Variants in SPTBN5 observed in about 807,000 individuals in gnomAD.
SPTBN5 encodes the protein spectrin beta, non-erythrocytic 5.
Under a neutral mutation model 477.6 loss-of-function variants are expected in SPTBN5, and 513 were observed. The ratio of observed to expected loss-of-function variants is 1.07; its 90% CI spans 1.00 to 1.16. The LOEUF (loss-of-function observed/expected upper bound fraction) is 1.16, where lower values mean the gene tolerates loss of function less well. Ranked by LOEUF, SPTBN5 falls within the 50% of genes most tolerant of loss-of-function variation. The probability of loss-of-function intolerance (pLI) is 0.00; values close to 1 mark genes in which losing one functional copy is unlikely to be tolerated. For missense variants in SPTBN5, 5,062 were observed against 4,731.8 expected (o/e 1.07, Z -2.05); for synonymous variants, 2,169 against 2,011.7 (o/e 1.08, Z -2.09).
rs759068109 is a variant in SPTBN5, at chr15:41,856,515, G to T, written c.8892C>A (p.His2964Gln). ...GTGYKLVQAGHFAAHEVAARV... is the reference protein window; with the variant it reads ...GTGYKLVQAGQFAAHEVAARV... Reference sequence around the variant, plus strand: ...GGGCGGCCACCTCGTGGGCGGCAAAGTGCCCAGCCTGCACCAGCTTGTACC... The same window carrying T: ...GGGCGGCCACCTCGTGGGCGGCAAATTGCCCAGCCTGCACCAGCTTGTACC... The change falls in exon 53 of 68, where the codon CAC (histidine) becomes CAA (glutamine). Residue 2964 changes from histidine (H) to glutamine (Q), a missense_variant. Coordinates refer to ENST00000320955, the MANE Select transcript of SPTBN5 (RefSeq NM_016642.4). 3 of 1,601,114 alleles carry T rather than the reference G, an allele frequency of 1.9e-6. No individual in the cohort carries two copies. The highest frequency in any genetic ancestry group is 3.4e-5 in the Admixed American group (2 of 58,822).
rs778967010 is a variant in SPTBN5 at position 41,861,826 on chromosome 15, T to A, written c.7646A>T (p.Gln2549Leu). 10 of 1,602,300 alleles carry A rather than the reference T, an allele frequency of 6.2e-6. No individual in the cohort carries two copies. The highest frequency in any genetic ancestry group is 8.5e-6 in the Non-Finnish European group (10 of 1,177,550). Residue 2549 changes from glutamine (Q) to leucine (L), a missense_variant, in exon 45 of 68, where the codon CAG becomes CTG. Transcript: ENST00000320955. ...CTCCTGTTCTAAGCCAGCCAGCACCTGGCGAATGTCGGAGCTGAAGGGGTG... is the reference window on the plus strand; with the variant it reads ...CTCCTGTTCTAAGCCAGCCAGCACCAGGCGAATGTCGGAGCTGAAGGGGTG... ...AGHPFSSDIR[Q>L]VLAGLEQELS... is the part of the protein sequence containing the mutation.
chr15:41,882,060 G>C lies in SPTBN5; in HGVS notation c.2333C>G (p.Ala778Gly), dbSNP rs892621804. ...GCGCCTCAGCAGGGTCTCGGCGGCC[G>C]CCTGGTCCTGACCGCAGGACGCTCT... Reference protein sequence around the residue: ...LERASCGQDQAAAETLLRRHV... With the variant: ...LERASCGQDQGAAETLLRRHV... The change falls in exon 12 of 68, where the codon GCG becomes GGG. Residue 778 changes from alanine to glycine, a missense_variant. Transcript: ENST00000320955. 1 of 1,563,032 alleles carries C rather than the reference G, an allele frequency of 6.4e-7. No homozygotes were observed. The highest frequency in any genetic ancestry group is 1.4e-5 in the African/African-American group (1 of 71,702).
At chr15:41,872,527 A>C (rs1595482167) in intron 26 of SPTBN5, 68 bp from the exon 27 acceptor site, 3 of 1,481,486 alleles carry the variant, frequency 2.0e-6, no homozygotes, top group South Asian at 1.3e-5. Context: ...TCCGTCCCCC[A>C]CCCATCCAGT....
At position 41,877,340 on chromosome 15, in the gene SPTBN5, C is replaced by T. The variant is rs780844153; in HGVS notation, c.3487G>A (p.Ala1163Thr). Residue 1163 changes from alanine (A) to threonine (T), a missense_variant, in exon 18 of 68, where the codon GCT becomes ACT. Ala to Thr is a moderately conservative substitution (Grantham distance 58). Transcript: ENST00000320955. ...LWQERLQQLD[A>T]QSQPMAALDC... The stretch of plus-strand genomic sequence containing the variant: ...AAGGCTGCCATGGGCTGGCTCTGAG[C>T]GTCCAGCTGCTGCAGCCTGACCAGG... The T allele has an allele frequency of 6.2e-6, 10 of 1,607,892 alleles. No individual in the cohort carries two copies. The highest frequency in any genetic ancestry group is 1.6e-4 in the Middle Eastern group (1 of 6,072).
rs748566841 is a variant in SPTBN5, at chr15:41,866,559, AG to A, written c.6481-67del. 302 of 1,437,656 alleles carry A rather than the reference AG, an allele frequency of 2.1e-4. 1 individual carries two copies. Among genetic ancestry groups the A allele is most frequent in the Non-Finnish European group, 6.0e-5 (66 of 1,102,766 alleles). 89.1% of individuals were successfully genotyped at this position (1,437,656 alleles called of 1,614,324 possible). A position where few individuals can be genotyped will look rare whatever the true frequency, so the allele number is the denominator to read the frequency against. ...CTCAGGCCCCAGACGCCACAGGCCT[AG>A]CCCCCAGCCATTCCCAGGAGGCTGG... On this transcript the variant is annotated intron_variant, in intron 36 of 67. Coordinates refer to ENST00000320955, the MANE Select transcript of SPTBN5 (RefSeq NM_016642.4).
intron 4 of SPTBN5, among the ~76,000 whole-genome samples, chr15:41,889,205 C>T (rs2067241441): frequency 6.6e-6 from 1 of 152,196 alleles, no homozygotes; most frequent in Admixed American, 6.5e-5. Context: ...GTCCCTTCAG[C>T]CTTCAAATAG....
chr15:41,864,015 C>G lies in SPTBN5; in HGVS notation c.6928G>C (p.Gly2310Arg). 1 of 1,612,606 alleles carries G rather than the reference C, an allele frequency of 6.2e-7. No individual in the cohort carries two copies. The highest frequency in any genetic ancestry group is 8.5e-7 in the Non-Finnish European group (1 of 1,179,386). ...CTGATGCTCCTGATGCAGGCATCAC[C>G]CACTGTGTCCTGCAGGGGAGGTATG... ...FRGNSAGDTV[G>R]DACIRSISDL... Residue 2310 changes from glycine (G) to arginine (R), a missense_variant, in exon 40 of 68, where the codon GGT (glycine) becomes CGT (arginine). Coordinates refer to ENST00000320955, the MANE Select transcript of SPTBN5 (RefSeq NM_016642.4).
rs2066423529 is a variant in SPTBN5, at chr15:41,868,611, GGGACAC to G, written c.5854-16_5854-11del. The G allele has an allele frequency of 6.3e-7, 1 of 1,596,558 alleles. No individual in the cohort carries two copies. The highest frequency in any genetic ancestry group is 1.3e-5 in the African/African-American group (1 of 74,880). Reference sequence around the variant, plus strand: ...AGGCATAGTCACGCACCTGATCCCGGGGACACGGAGGGAGAGCCGGGTGAGGGCTGG... The same window carrying G: ...AGGCATAGTCACGCACCTGATCCCGGGGAGGGAGAGCCGGGTGAGGGCTGG... On this transcript the variant is annotated splice_polypyrimidine_tract_variant and intron_variant, in intron 32 of 67. Transcript: ENST00000320955.
rs762095224 is a variant in SPTBN5, at chr15:41,853,611, A to G, written c.9951T>C (p.His3317=). The change falls in exon 58 of 68, where the codon CAT becomes CAC. Residue 3317 remains histidine, a synonymous_variant. Coordinates refer to ENST00000320955, the MANE Select transcript of SPTBN5 (RefSeq NM_016642.4). ...GQWLAQAAQG[H]AFLGRCQELL... ...GTTCCTGGCAGCGCCCGAGGAAGGC[A>G]TGGCCCTGTGCAGCCTGCGCCAGCC... The G allele has an allele frequency of 1.9e-6, 3 of 1,586,194 alleles. No individual in the cohort carries two copies. In the East Asian group the frequency reaches 6.8e-5, roughly 36 times the overall value.
In SPTBN5 at chr15:41,885,957, T is replaced by A. The variant is rs1210795; in HGVS notation, c.1298A>T (p.His433Leu). The change falls in exon 7 of 68, where the codon CAC (histidine) becomes CTC (leucine). Residue 433 changes from histidine (H) to leucine (L), a missense_variant. His to Leu is a moderately conservative substitution (Grantham distance 99, BLOSUM62 -3). Coordinates refer to ENST00000320955, the MANE Select transcript of SPTBN5 (RefSeq NM_016642.4). ...RLETLARRFQ[H>L]KAALRESFLK... The stretch of plus-strand genomic sequence containing the variant: ...GAAACTCTCCCGGAGGGCTGCCTTG[T>A]GCTGGAAGCGCCGGGCCAGGGTTTC... 1 of 1,557,296 alleles carries A rather than the reference T, an allele frequency of 6.4e-7. No homozygotes were observed. The highest frequency in any genetic ancestry group is 2.3e-5 in the East Asian group (1 of 42,624).
rs2065735222 is a variant in SPTBN5, at chr15:41,850,959, G to C, written c.10836-20C>G. On this transcript the variant is annotated intron_variant, in intron 65 of 67. Transcript: ENST00000320955. ...GTCAGCCTGGCACCCACAGTCACAG[G>C]TCAAACTCCACTGTCCCTTTGGGGA... 3.8e-6 allele frequency: 6 copies of C among 1,595,462 alleles called. No individual in the cohort carries two copies. The highest frequency in any genetic ancestry group is 5.1e-6 in the Non-Finnish European group (6 of 1,171,518).
chr15:41,861,039 C>T (rs734917), intron 46 of SPTBN5, among the ~76,000 whole-genome samples: 1 of 152,264 alleles, frequency 6.6e-6, no homozygotes, highest in African/African-American at 2.4e-5. Context: ...CCTGGAGGAC[C>T]ATGTTAGTCC....
intron 62 of SPTBN5, 72 bp downstream of exon 62, chr15:41,852,110 A>ACAGCCC (rs1204808866): frequency 7.3e-6 from 11 of 1,502,294 alleles, no homozygotes; most frequent in South Asian, 6.7e-5. Context: ...CCTCACCCCC[A>ACAGCCC]CAGCCCCAGC....
rs542212623 is a variant in SPTBN5, at chr15:41,883,224, G to A, written c.1664C>T (p.Pro555Leu). 1.1e-5 allele frequency: 18 copies of A among 1,609,226 alleles called. No individual in the cohort carries two copies. The highest frequency in any genetic ancestry group is 2.7e-5 in the African/African-American group (2 of 74,984). The change falls in exon 9 of 68, where the codon CCG becomes CTG. Residue 555 changes from proline to leucine, a missense_variant. Transcript: ENST00000320955. ...CTGCCCACAGGCGGTGGACCTGGCCGGCTCCTGGCCAGAGATGATGGTCAT... is the reference window on the plus strand; with the variant it reads ...CTGCCCACAGGCGGTGGACCTGGCCAGCTCCTGGCCAGAGATGATGGTCAT... The part of the protein sequence containing the change: ...ASHQLEELQE[P>L]ARSTACGQQL...
intron 17 of SPTBN5, among the ~76,000 whole-genome samples, chr15:41,878,088 T>C (rs988117075): frequency 1.3e-5 from 2 of 152,184 alleles, no homozygotes; most frequent in South Asian, 2.1e-4. Flanking sequence ...CAGCCGGGCC[T>C]GGGCTGCAGA....
chr15:41,862,709 ACCCAAGCCCCTCCTC>A lies in SPTBN5; in HGVS notation c.7264-64_7264-50del, dbSNP rs1567195912. On this transcript the variant is annotated intron_variant, in intron 42 of 67. Transcript: ENST00000320955. ...GGCTGGGGCAGGGGAGCTCTGGGCC[ACCCAAGCCCCTCCTC>A]CCCACTTGTGCCCAGGGTCCTACTC... The A allele has an allele frequency of 1.9e-6, 3 of 1,539,654 alleles. No individual in the cohort carries two copies. The East Asian group carries it at 7.3e-5, about 37-fold the overall frequency.
intron 13 of SPTBN5, 150 bp downstream of exon 13, chr15:41,880,884 C>T (rs964387832): frequency 8.2e-6 from 6 of 729,382 alleles, no homozygotes; most frequent in Non-Finnish European, 1.3e-5. Context: ...ACACCTGCAT[C>T]TAATGAGTTG....
In SPTBN5 at chr15:41,857,593, T is replaced by C. The variant is rs1484191150; in HGVS notation, c.8344A>G (p.Lys2782Glu). Residue 2782 changes from lysine (K) to glutamate (E), a missense_variant, in exon 50 of 68, where the codon AAG becomes GAG. Transcript: ENST00000320955. The stretch of plus-strand genomic sequence containing the variant: ...CTCACCTCACAGGCCTTCTGGAGCT[T>C]GGCCACCTTCTTCTGGGAGTTGTCT... The part of the protein sequence containing the change: ...LQDNSQKKVA[K>E]LQKACEALRL... 1 of 1,609,334 alleles carries C rather than the reference T, an allele frequency of 6.2e-7. No individual in the cohort carries two copies.
In SPTBN5 at chr15:41,852,969, C is replaced by T. The variant is rs200134036; in HGVS notation, c.10202G>A (p.Arg3401Gln). Residue 3401 changes from arginine to glutamine, a missense_variant, in exon 60 of 68, where the codon CGG becomes CAG. Coordinates refer to ENST00000320955, the MANE Select transcript of SPTBN5 (RefSeq NM_016642.4). ...CCAAGCCTCCTCCAGCTCCTGCAGC[C>T]GCCCTTCCAGCTCCTGCAGGCACTC... ...VTECLQELEG[R>Q]LQELEEAWAL... 1.7e-4 allele frequency: 263 copies of T among 1,562,354 alleles called. No individual in the cohort carries two copies. The East Asian group carries it at 4.2e-3, about 25-fold the overall frequency.
Sources: allele counts gnomAD v4.1 joint callset (sites outside exome capture counted in the v4.1 genomes callset), GRCh38; gene constraint gnomAD v4.1.1; transcripts MANE v1.5; gene names NCBI Gene and HGNC (gene_info 2026-07-23, HGNC 2026-07-21).